The following FRMD4A variants were observed in gnomAD, a reference collection of about 807,000 sequenced individuals.
FRMD4A encodes FERM domain containing 4A.
A neutral mutation model predicts 129.1 loss-of-function variants in FRMD4A; 29 were observed. The observed-to-expected ratio is 0.22, with a 90% CI of 0.17 to 0.31. The LOEUF (loss-of-function observed/expected upper bound fraction) is 0.31. Among genes scored for constraint, FRMD4A ranks in the 10% least tolerant of loss-of-function variants. The probability of loss-of-function intolerance (pLI) is 1.00; values close to 1 mark genes in which losing one functional copy is unlikely to be tolerated. For synonymous variants in FRMD4A, 634 were observed against 571.6 expected (o/e 1.11, Z -1.56); for missense variants, 1,272 against 1,375.8 (o/e 0.92, Z 1.19).
chr10:14,086,580 G>A (rs1836292101), intron 2 of FRMD4A, among the ~76,000 whole-genome samples: 2 of 152,154 alleles, frequency 1.3e-5, no homozygotes, highest in Admixed American at 6.5e-5. Flanking sequence ...AGTGCAAAAG[G>A]TAACGGCTCT....
chr10:14,241,355 T>C (rs900703940), intron 2 of FRMD4A, among the ~76,000 whole-genome samples: 2 of 152,180 alleles, frequency 1.3e-5, no homozygotes, highest in African/African-American at 2.4e-5. Context: ...GTTGGAACCA[T>C]CTGAACTTGT....
At chr10:13,909,770 G>T (rs948539252) in intron 2 of FRMD4A, among the ~76,000 whole-genome samples, 2 of 152,202 alleles carry the variant, frequency 1.3e-5, no homozygotes, top group Admixed American at 6.5e-5. Flanking sequence ...AGGAAGTCTT[G>T]CCTAAGAAAA....
At position 13,725,367 on chromosome 10, in the gene FRMD4A, C is replaced by CTTGA. The variant is rs202036993; in HGVS notation, c.759+12473_759+12476dup. 3.7e-3 allele frequency among the ~76,000 whole-genome samples: 565 copies of CTTGA among 152,334 alleles called. 4 individuals are homozygous for CTTGA. Among genetic ancestry groups the CTTGA allele is most frequent in the African/African-American group, 0.013 (531 of 41,580 alleles). ...AGACAACTTGGGGAGATTCTTGGAG[C>CTTGA]TTGAGTGTACCCCTTCCAGGAGGTG... is the stretch of plus-strand genomic sequence containing the variant. On this transcript the variant is annotated intron_variant, in intron 12 of 24. Coordinates refer to ENST00000357447, the MANE Select transcript of FRMD4A (RefSeq NM_018027.5).
intron 2 of FRMD4A, among the ~76,000 whole-genome samples, chr10:13,866,725 C>T (rs1011686949): frequency 1.3e-5 from 2 of 152,198 alleles, no homozygotes; most frequent in African/African-American, 4.8e-5. Flanking sequence ...TTTGGGAGGC[C>T]GAGGTGGGCA....
chr10:13,871,669 A>T (rs1365519009), intron 2 of FRMD4A, among the ~76,000 whole-genome samples: 1 of 152,148 alleles, frequency 6.6e-6, no homozygotes, highest in Non-Finnish European at 1.5e-5. Flanking sequence ...CCTTCTCCAG[A>T]CCTGGCCTGC....
chr10:13,794,391 C>CAAAAAAAA (rs5783349), intron 5 of FRMD4A, among the ~76,000 whole-genome samples: 1 of 102,960 alleles, frequency 9.7e-6, no homozygotes, highest in African/African-American at 3.8e-5. Flanking sequence ...GAATCCGTCT[C>CAAAAAAAA]AAAAAAAAAA....
intron 2 of FRMD4A, among the ~76,000 whole-genome samples, chr10:14,033,690 C>T (rs1237118543): frequency 6.6e-6 from 1 of 151,960 alleles, no homozygotes; most frequent in Non-Finnish European, 1.5e-5. Flanking sequence ...GAGGCTGAGG[C>T]AGGAGAATCT....
rs999219417 is a variant in FRMD4A at position 13,644,931 on chromosome 10, C to T, written c.*2107G>A. 4 of 152,228 alleles carry T rather than the reference C, an allele frequency of 2.6e-5. No homozygotes were observed. Among genetic ancestry groups the T allele is most frequent in the African/African-American group, 4.8e-5 (2 of 41,444 alleles). The allele number at this position is 152,228 out of a possible 1,614,324, so 9.4% of individuals were successfully genotyped here. A position where few individuals can be genotyped will look rare whatever the true frequency, so the allele number is the denominator to read the frequency against. ...TTATCCTGCAGGTGTACACTTAAAGCGTTCTGGGAATATGAATCCCTTCTG... is the reference window on the plus strand; with the variant it reads ...TTATCCTGCAGGTGTACACTTAAAGTGTTCTGGGAATATGAATCCCTTCTG... On this transcript the variant is annotated 3_prime_UTR_variant, in exon 25 of 25. Transcript: ENST00000357447.
chr10:14,047,233 G>C (rs1588863964), intron 2 of FRMD4A, among the ~76,000 whole-genome samples: 1 of 152,262 alleles, frequency 6.6e-6, no homozygotes, highest in East Asian at 1.9e-4. Context: ...TTTTATTGAT[G>C]GTCTTGCTTG....
At chr10:13,884,093 A>G (rs1414135847) in intron 2 of FRMD4A, among the ~76,000 whole-genome samples, 1 of 135,216 alleles carries the variant, frequency 7.4e-6, no homozygotes, top group Admixed American at 7.7e-5. Flanking sequence ...GGTTGATGCA[A>G]TGGAAAAGAA....
chr10:13,676,270 C>CTT (rs1208513827), intron 15 of FRMD4A, among the ~76,000 whole-genome samples: 1 of 148,172 alleles, frequency 6.7e-6, no homozygotes, highest in Non-Finnish European at 1.5e-5. Context: ...TTTTCTTTTT[C>CTT]TTTTTTTTTT....
intron 2 of FRMD4A, chr10:14,082,999 A>G (rs1836017623): frequency 6.6e-6 from 1 of 152,270 alleles, no homozygotes; most frequent in Non-Finnish European, 1.5e-5. Context: ...AGCTAAATGC[A>G]TTAACTTGTT....
chr10:14,320,225 A>G (rs985248059), intron 2 of FRMD4A, among the ~76,000 whole-genome samples: 1 of 152,106 alleles, frequency 6.6e-6, no homozygotes, highest in Non-Finnish European at 1.5e-5. Context: ...CCAATCCAAG[A>G]ACCTGGAGAG....
intron 2 of FRMD4A, among the ~76,000 whole-genome samples, chr10:14,227,243 C>CTTTTTT (rs10674411): frequency 0.016 from 1,012 of 64,106 alleles, 204 homozygotes; most frequent in East Asian, 0.022. Flanking sequence ...TCTTCTTCTT[C>CTTTTTT]TTTTTTTTTT....
chr10:13,878,855 C>T (rs538403384), intron 2 of FRMD4A, among the ~76,000 whole-genome samples: 24 of 64,578 alleles, frequency 3.7e-4, no homozygotes, highest in Admixed American at 2.5e-3. Context: ...AAGGAAGGAA[C>T]CTGGAAATGA....
At chr10:14,043,208 T>C (rs1833855075) in intron 2 of FRMD4A, among the ~76,000 whole-genome samples, 1 of 152,186 alleles carries the variant, frequency 6.6e-6, no homozygotes, top group Non-Finnish European at 1.5e-5. Context: ...ACATTTAACA[T>C]TAAAGTTGCT....
In FRMD4A at chr10:13,848,465, T is replaced by A. The variant is rs913346335; in HGVS notation, c.111+10382A>T. 3.8e-5 allele frequency among the ~76,000 whole-genome samples: 5 copies of A among 131,280 alleles called. No individual in the cohort carries two copies. The Admixed American group carries it at 4.2e-4, about 11-fold the overall frequency. The allele number at this position is 131,280 out of a possible 152,430, so 86.1% of individuals were successfully genotyped here. A position where few individuals can be genotyped will look rare whatever the true frequency, so the allele number is the denominator to read the frequency against. On this transcript the variant is annotated intron_variant, in intron 3 of 24. Coordinates refer to ENST00000357447, the MANE Select transcript of FRMD4A (RefSeq NM_018027.5). ...ACAAGGAGCACAGACATGGAGGTGG[T>A]CCAGGAAGAAGGGGGAGGGGGGCAG...
Position 14,018,395 on chromosome 10 carries a change from G to A in FRMD4A, c.46-159483C>T, listed in dbSNP as rs142768519. On this transcript the variant is annotated intron_variant, in intron 2 of 24. Transcript: ENST00000357447. ...GGTGTGAACCCGGGAGGCAGAGGTT[G>A]CAGTGAGCCGAGGTCGTGCCACTGC... Among the ~76,000 whole-genome samples, 684 of 138,482 alleles carry A rather than the reference G, an allele frequency of 4.9e-3. 2 individuals are homozygous for A. Among genetic ancestry groups the A allele is most frequent in the African/African-American group, 0.018 (650 of 36,264 alleles). 90.8% of individuals were successfully genotyped at this position (138,482 alleles called of 152,430 possible).
At chr10:13,805,862 ATTT>A (rs11339023) in intron 4 of FRMD4A, among the ~76,000 whole-genome samples, 1 of 145,608 alleles carries the variant, frequency 6.9e-6, no homozygotes. Context: ...CTAATTTTTA[ATTT>A]TTTTTTTTTT....
Sources: allele counts gnomAD v4.1 joint callset (sites outside exome capture counted in the v4.1 genomes callset), GRCh38; gene constraint gnomAD v4.1.1; transcripts MANE v1.5; gene names NCBI Gene and HGNC (gene_info 2026-07-23, HGNC 2026-07-21).